Variants in MAML3 observed in about 807,000 individuals in gnomAD.
MAML3 encodes mastermind like transcriptional coactivator 3, also known as mastermind-like protein 3.
MAML3 carries 27 observed loss-of-function variants against 101.9 expected under a neutral mutation model. The ratio of observed to expected loss-of-function variants is 0.27; its 90% CI spans 0.20 to 0.37. The LOEUF is 0.37. Ranked by LOEUF, MAML3 falls within the 10% of genes least tolerant of loss-of-function variation. The probability of loss-of-function intolerance (pLI) is 1.00; values close to 1 mark genes in which losing one functional copy is unlikely to be tolerated. For missense variants in MAML3, 1,316 were observed against 1,444.9 expected, an observed-to-expected ratio of 0.91 and a Z score of 1.45; for synonymous variants, 501 against 555.9, an observed-to-expected ratio of 0.90 and a Z score of 1.39.
chr4:140,141,388 C>G (rs539917996), intron 1 of MAML3, among the ~76,000 whole-genome samples: 10 of 152,144 alleles, frequency 6.6e-5, no homozygotes, highest in Non-Finnish European at 1.5e-4. Flanking sequence ...ACACAGATGA[C>G]TGGATTAGTC....
intron 1 of MAML3, among the ~76,000 whole-genome samples, chr4:139,978,374 C>A (rs549441976): frequency 6.6e-6 from 1 of 152,056 alleles, no homozygotes; most frequent in Non-Finnish European, 1.5e-5. Flanking sequence ...TTGCATTAGC[C>A]AAGACCTCTC....
intron 1 of MAML3, among the ~76,000 whole-genome samples, chr4:139,920,805 G>C (rs764079800): frequency 6.6e-6 from 1 of 152,180 alleles, no homozygotes; most frequent in Non-Finnish European, 1.5e-5. Flanking sequence ...CAGGATGACT[G>C]TCTGGGGTGA....
intron 1 of MAML3, among the ~76,000 whole-genome samples, chr4:140,096,080 C>T (rs1482217534): frequency 6.6e-6 from 1 of 152,216 alleles, no homozygotes; most frequent in African/African-American, 2.4e-5. Flanking sequence ...CTATTACCTA[C>T]CACAGGGCAA....
rs3051828 is a variant in MAML3, at chr4:140,149,939, C to CTTTTT, written c.468+2916_468+2920dup. Among the ~76,000 whole-genome samples the CTTTTT allele has an allele frequency of 1.1e-3, 148 of 129,794 alleles. 3 individuals are homozygous for CTTTTT. Among genetic ancestry groups the CTTTTT allele is most frequent in the South Asian group, 3.1e-3 (13 of 4,190 alleles). The allele number at this position is 129,794 out of a possible 152,430, so 85.1% of individuals were successfully genotyped here. On this transcript the variant is annotated intron_variant, in intron 1 of 4. Transcript: ENST00000509479. ...TATAACTTGTAGAGCATGTTTCTTT[C>CTTTTT]TTTTTTTTTTTTTTTTTTGGTACAC...
At chr4:139,853,737 T>C (rs891682883) in intron 2 of MAML3, among the ~76,000 whole-genome samples, 1 of 151,812 alleles carries the variant, frequency 6.6e-6, no homozygotes, top group African/African-American at 2.4e-5. Flanking sequence ...GTTGGGGGAG[T>C]GGGAGTGGAG....
chr4:140,048,951 G>A (rs545772132), intron 1 of MAML3, among the ~76,000 whole-genome samples: 95 of 152,292 alleles, frequency 6.2e-4, no homozygotes, highest in Non-Finnish European at 1.2e-3. Flanking sequence ...GAACAGGGGT[G>A]CCAAGATGTG....
At chr4:140,060,104 G>A (rs368749387) in intron 1 of MAML3, among the ~76,000 whole-genome samples, 4 of 152,054 alleles carry the variant, frequency 2.6e-5, no homozygotes, top group East Asian at 3.9e-4. Context: ...AGTGGCTCAC[G>A]CCTGTAATCC....
At position 139,945,496 on chromosome 4, in the gene MAML3, A is replaced by G. The variant is rs78947765; in HGVS notation, c.469-54529T>C. 1.9e-3 allele frequency among the ~76,000 whole-genome samples: 286 copies of G among 152,374 alleles called. 4 individuals carry two copies. The highest frequency in any genetic ancestry group is 6.6e-3 in the African/African-American group (275 of 41,598). On this transcript the variant is annotated intron_variant, in intron 1 of 4. Coordinates refer to ENST00000509479, the MANE Select transcript of MAML3 (RefSeq NM_018717.5). ...CCTCTTTTCAAATAGCCAAACATTT[A>G]TACTTAATATGAAAACCAAACCACA...
At chr4:140,091,726 G>T (rs1322855572) in intron 1 of MAML3, among the ~76,000 whole-genome samples, 1 of 152,024 alleles carries the variant, frequency 6.6e-6, no homozygotes, top group Non-Finnish European at 1.5e-5. Context: ...TCAAGGGTTT[G>T]TTTAGTCTAC....
intron 2 of MAML3, among the ~76,000 whole-genome samples, chr4:139,832,126 A>C (rs1731178166): frequency 3.4e-5 from 2 of 58,424 alleles, no homozygotes; most frequent in Admixed American, 3.2e-4. Flanking sequence ...TTTTTTTGAG[A>C]CAGAGTCTTT....
intron 2 of MAML3, among the ~76,000 whole-genome samples, chr4:139,797,371 G>A (rs1233736589): frequency 6.6e-6 from 1 of 152,190 alleles, no homozygotes; most frequent in African/African-American, 2.4e-5. Context: ...TCATGTACAA[G>A]CTAATAATGT....
chr4:140,028,474 CATT>C (rs1396081939), intron 1 of MAML3, among the ~76,000 whole-genome samples: 7 of 151,952 alleles, frequency 4.6e-5, no homozygotes, highest in Admixed American at 3.3e-4. Context: ...CTCTCTTTCT[CATT>C]ATTCTTCGTG....
At position 139,836,787 on chromosome 4, in the gene MAML3, TAGAC is replaced by T. The variant is rs566028506; in HGVS notation, c.2079+52566_2079+52569del. ...GCTACTGCTATTTGGCTATTTCTCT[TAGAC>T]AGTATGAGAAACTTTCAGATCTTTA... On this transcript the variant is annotated intron_variant, in intron 2 of 4. Transcript: ENST00000509479. Among the ~76,000 whole-genome samples the T allele has an allele frequency of 1.5e-3, 235 of 152,272 alleles. 1 individual carries two copies. The highest frequency in any genetic ancestry group is 3.1e-3 in the Non-Finnish European group (209 of 68,016).
intron 1 of MAML3, among the ~76,000 whole-genome samples, chr4:139,996,835 C>T (rs1013693265): frequency 7.3e-5 from 11 of 151,552 alleles, no homozygotes; most frequent in Non-Finnish European, 1.0e-4. Flanking sequence ...CCGAGGAGGG[C>T]GGATCACGAG....
intron 2 of MAML3, among the ~76,000 whole-genome samples, chr4:139,806,028 G>A (rs77660296): frequency 0.041 from 6,166 of 152,166 alleles, 391 homozygotes; most frequent in African/African-American, 0.14. Flanking sequence ...CATTTCTGAA[G>A]AGCATATAAT....
chr4:140,095,518 C>T (rs548484503), intron 1 of MAML3, among the ~76,000 whole-genome samples: 1 of 152,310 alleles, frequency 6.6e-6, no homozygotes, highest in South Asian at 2.1e-4. Flanking sequence ...TTATTTCACA[C>T]ACATTTCTCA....
At chr4:139,860,011 T>G (rs969924912) in intron 2 of MAML3, among the ~76,000 whole-genome samples, 1 of 152,178 alleles carries the variant, frequency 6.6e-6, no homozygotes, top group Non-Finnish European at 1.5e-5. Context: ...CCACCGAGCC[T>G]CGAGTACCCG....
At chr4:139,844,107 G>A (rs1292399251) in intron 2 of MAML3, among the ~76,000 whole-genome samples, 2 of 152,232 alleles carry the variant, frequency 1.3e-5, no homozygotes, top group Non-Finnish European at 2.9e-5. Context: ...TAGAGTGGAA[G>A]TCTGCAGCTG....
At chr4:139,828,023 G>A (rs774329891) in intron 2 of MAML3, among the ~76,000 whole-genome samples, 1 of 152,188 alleles carries the variant, frequency 6.6e-6, no homozygotes, top group Non-Finnish European at 1.5e-5. Context: ...TAGTCATTAC[G>A]GTGCTGCCAA....
Sources: gnomAD v4.1 joint callset for allele counts (sites outside exome capture counted in the v4.1 genomes callset) on GRCh38, gnomAD v4.1.1 for gene constraint, MANE v1.5 for transcripts, NCBI Gene and HGNC (gene_info 2026-07-23, HGNC 2026-07-21) for gene names.